Variants in KCND2 observed in about 807,000 individuals in gnomAD.
KCND2 encodes A-type voltage-gated potassium channel KCND2.
A neutral mutation model predicts 54.4 loss-of-function variants in KCND2; 16 were observed. The observed-to-expected ratio is 0.29, with a 90% CI of 0.20 to 0.45. The LOEUF (loss-of-function observed/expected upper bound fraction) is 0.45, where lower values mean the gene tolerates loss of function less well. Among genes scored for constraint, KCND2 ranks in the 20% least tolerant of loss-of-function variants. The pLI is 1.00. For missense variants in KCND2, 486 were observed against 824.2 expected, an observed-to-expected ratio of 0.59 and a Z score of 5.02; for synonymous variants, 317 against 310.7, an observed-to-expected ratio of 1.02 and a Z score of -0.21.
At chr7:120,599,911 T>A (rs921109770) in intron 1 of KCND2, among the ~76,000 whole-genome samples, 5 of 152,052 alleles carry the variant, frequency 3.3e-5, no homozygotes, top group African/African-American at 1.2e-4. Context: ...CAGTTAATTA[T>A]GATGTTGACT....
chr7:120,620,658 G>A (rs1793086467), intron 1 of KCND2, among the ~76,000 whole-genome samples: 2 of 152,248 alleles, frequency 1.3e-5, no homozygotes, highest in South Asian at 4.1e-4. Context: ...GAATTGACAT[G>A]CTAAGTCATA....
In KCND2 at chr7:120,466,679, A is replaced by G. The variant is rs145644422; in HGVS notation, c.1115+190932A>G. On this transcript the variant is annotated intron_variant, in intron 1 of 5. Transcript: ENST00000331113. ...TTGTGCCCACCAACATTAAAGGTAT[A>G]TGCATTCATTTCCTATTGCTGCTAT... 3.8e-3 allele frequency among the ~76,000 whole-genome samples: 574 copies of G among 152,302 alleles called. 4 individuals carry two copies. The highest frequency in any genetic ancestry group is 0.013 in the African/African-American group (546 of 41,572).
chr7:120,538,895 C>T (rs533104107), intron 1 of KCND2, among the ~76,000 whole-genome samples: 113 of 152,242 alleles, frequency 7.4e-4, no homozygotes, highest in Admixed American at 2.9e-3. Flanking sequence ...CAGGCTCCCA[C>T]CTGTTTATTT....
chr7:120,646,311 A>G (rs1194905802), intron 1 of KCND2, among the ~76,000 whole-genome samples: 3 of 152,090 alleles, frequency 2.0e-5, no homozygotes, highest in Non-Finnish European at 4.4e-5. Context: ...CTTCCTTTCC[A>G]TCCTCACTGA....
In KCND2 at chr7:120,642,722, A is replaced by T. The variant is rs535299165; in HGVS notation, c.1116-90181A>T. On this transcript the variant is annotated intron_variant, in intron 1 of 5. Coordinates refer to ENST00000331113, the MANE Select transcript of KCND2 (RefSeq NM_012281.3). Reference sequence around the variant, plus strand: ...AAATAATAATGAATATTTATAAACTACTTCAGGATTTACAAAACATTTTCA... The same window carrying T: ...AAATAATAATGAATATTTATAAACTTCTTCAGGATTTACAAAACATTTTCA... Among the ~76,000 whole-genome samples, 149 of 152,226 alleles carry T rather than the reference A, an allele frequency of 9.8e-4. 1 individual carries two copies. The highest frequency in any genetic ancestry group is 5.9e-5 in the Non-Finnish European group (4 of 68,002).
chr7:120,726,469 T>C (rs1210020595), intron 1 of KCND2, among the ~76,000 whole-genome samples: 1 of 152,170 alleles, frequency 6.6e-6, no homozygotes, highest in Non-Finnish European at 1.5e-5. Context: ...GGGGTAGAAT[T>C]ACTAGTTACA....
chr7:120,435,915 T>C (rs1156837025), intron 1 of KCND2, among the ~76,000 whole-genome samples: 2 of 152,148 alleles, frequency 1.3e-5, no homozygotes, highest in African/African-American at 4.8e-5. Flanking sequence ...GAGAATTAGA[T>C]CCCAGAATTT....
chr7:120,591,438 G>A (rs1005026117), intron 1 of KCND2, among the ~76,000 whole-genome samples: 12 of 152,254 alleles, frequency 7.9e-5, no homozygotes, highest in East Asian at 1.9e-4. Flanking sequence ...TATCCTCTCC[G>A]TGGCTAGAAG....
At chr7:120,464,975 G>A (rs570058947) in intron 1 of KCND2, among the ~76,000 whole-genome samples, 1 of 152,260 alleles carries the variant, frequency 6.6e-6, no homozygotes, top group Admixed American at 6.5e-5. Flanking sequence ...TCAACTGGCT[G>A]GCTACTGTAA....
chr7:120,456,207 A>T (rs1436517007), intron 1 of KCND2, among the ~76,000 whole-genome samples: 1 of 152,186 alleles, frequency 6.6e-6, no homozygotes, highest in Non-Finnish European at 1.5e-5. Flanking sequence ...ATAATATGAT[A>T]CTTTATATTT....
At chr7:120,712,413 G>A (rs1485782523) in intron 1 of KCND2, among the ~76,000 whole-genome samples, 5 of 150,562 alleles carry the variant, frequency 3.3e-5, no homozygotes, top group South Asian at 2.1e-4. Flanking sequence ...ATAGGTGCCC[G>A]CTACCACGCC....
chr7:120,625,720 T>G (rs1793155861), intron 1 of KCND2, among the ~76,000 whole-genome samples: 1 of 152,136 alleles, frequency 6.6e-6, no homozygotes, highest in Non-Finnish European at 1.5e-5. Context: ...GAAATCTGAC[T>G]GAAAAATTTA....
chr7:120,300,739 C>T (rs1406331966), intron 1 of KCND2, among the ~76,000 whole-genome samples: 4 of 152,072 alleles, frequency 2.6e-5, no homozygotes, highest in African/African-American at 4.8e-5. Context: ...TCCATATTCT[C>T]CATCTTCCCT....
At chr7:120,493,008 C>T (rs1442843147) in intron 1 of KCND2, among the ~76,000 whole-genome samples, 2 of 151,972 alleles carry the variant, frequency 1.3e-5, no homozygotes, top group Admixed American at 1.3e-4. Context: ...AAGTAAGGGT[C>T]ATCTGTAATC....
intron 1 of KCND2, among the ~76,000 whole-genome samples, chr7:120,580,335 A>T (rs1792499495): frequency 6.6e-6 from 1 of 152,190 alleles, no homozygotes; most frequent in South Asian, 2.1e-4. Flanking sequence ...GTTTGCCTAA[A>T]AGGAGAAAGA....
In KCND2 at chr7:120,698,624, C is replaced by G. The variant is rs571029754; in HGVS notation, c.1116-34279C>G. ...AATAATGAAGGAAATTATTCATGCA[C>G]AAAATCATTCAACAAATATTTGATG... On this transcript the variant is annotated intron_variant, in intron 1 of 5. Transcript: ENST00000331113. 2.0e-5 allele frequency among the ~76,000 whole-genome samples: 3 copies of G among 152,268 alleles called. No individual in the cohort carries two copies. The South Asian group carries it at 6.2e-4, about 32-fold the overall frequency.
chr7:120,401,479 G>A (rs145605463), intron 1 of KCND2, among the ~76,000 whole-genome samples: 27 of 152,196 alleles, frequency 1.8e-4, no homozygotes, highest in African/African-American at 6.3e-4. Context: ...TATGGACTCT[G>A]AGCCAGTTCT....
chr7:120,705,181 G>A (rs537620000), intron 1 of KCND2, among the ~76,000 whole-genome samples: 46 of 152,254 alleles, frequency 3.0e-4, no homozygotes, highest in Admixed American at 9.2e-4. Flanking sequence ...GGAGACCCAA[G>A]TGCTTAACTC....
chr7:120,683,711 A>G (rs542177273), intron 1 of KCND2, among the ~76,000 whole-genome samples: 105 of 152,338 alleles, frequency 6.9e-4, no homozygotes, highest in Admixed American at 6.9e-3. Flanking sequence ...TCAGAATAGC[A>G]TAGTTACAAC....
Sources: gnomAD v4.1 joint callset for allele counts (sites outside exome capture counted in the v4.1 genomes callset) on GRCh38, gnomAD v4.1.1 for gene constraint, MANE v1.5 for transcripts, NCBI Gene and HGNC (gene_info 2026-07-23, HGNC 2026-07-21) for gene names.